The following LHCGR variants were observed in gnomAD, a reference collection of about 807,000 sequenced individuals.
The protein encoded by LHCGR is lutropin-choriogonadotropic hormone receptor.
Under a neutral mutation model 60.7 loss-of-function variants are expected in LHCGR, and 55 were observed. The observed-to-expected ratio is 0.91, with a 90% CI of 0.73 to 1.13. LHCGR has a LOEUF of 1.13. LHCGR is among the 50% of genes most tolerant of loss of function. The pLI is 0.00. For missense variants in LHCGR, 862 were observed against 836.0 expected (o/e 1.03, Z -0.38); for synonymous variants, 337 against 316.5 (o/e 1.06, Z -0.69).
At chr2:48,721,373 C>T (rs1668486557) in intron 6 of LHCGR, 1 of 209,450 alleles carries the variant, frequency 4.8e-6, no homozygotes, top group Non-Finnish European at 9.8e-6. Flanking sequence ...AGGGAAGTGG[C>T]AGGAGTGGAG....
chr2:48,734,383 G>A (rs1320503472), intron 1 of LHCGR, among the ~76,000 whole-genome samples: 1 of 152,186 alleles, frequency 6.6e-6, no homozygotes, highest in Non-Finnish European at 1.5e-5. Flanking sequence ...ACAGAAGTGG[G>A]AGAAGGAGAT....
At chr2:48,755,283 A>G (rs919164111) in intron 1 of LHCGR, among the ~76,000 whole-genome samples, 4 of 152,024 alleles carry the variant, frequency 2.6e-5, no homozygotes, top group Non-Finnish European at 5.9e-5. Flanking sequence ...CACAGCCCCA[A>G]CCAGGGGTAA....
In LHCGR at chr2:48,687,643, A is replaced by ATT. The variant is rs200887026; in HGVS notation, c.*52_*53dup. 1 of 1,439,536 alleles carries ATT rather than the reference A, an allele frequency of 6.9e-7. No homozygotes were observed. The highest frequency in any genetic ancestry group is 9.8e-7 in the Non-Finnish European group (1 of 1,024,848). The allele number at this position is 1,439,536 out of a possible 1,614,324, so 89.2% of individuals were successfully genotyped here. On this transcript the variant is annotated 3_prime_UTR_variant, in exon 11 of 11. Transcript: ENST00000294954. ...TATGTTAAAATTACTGGTACAGGTA[A>ATT]TTTTTTTTTACAGGTTTAAGAACAA...
Position 48,688,775 on chromosome 2 carries a change from G to C in LHCGR, c.1022C>G (p.Pro341Arg), listed in dbSNP as rs1292701138. ...YEYGFCLPKT[P>R]RCAPEPDAFN... is the part of the protein sequence containing the mutation. ...AGCATCTGGTTCAGGAGCACATCGGGGTGTCTTGGGTAAGCAGAAACCATA... is the reference window on the plus strand; with the variant it reads ...AGCATCTGGTTCAGGAGCACATCGGCGTGTCTTGGGTAAGCAGAAACCATA... Residue 341 changes from proline (P) to arginine (R), a missense_variant, in exon 11 of 11, where the codon CCC becomes CGC. By Grantham distance (103) the Pro-to-Arg change is moderately radical (BLOSUM62 -2). Coordinates refer to ENST00000294954, the MANE Select transcript of LHCGR (RefSeq NM_000233.4). The surrounding 1 kb of genome is among the most constrained non-coding windows in gnomAD (Gnocchi z 5.2). 6.2e-7 allele frequency: 1 copy of C among 1,613,922 alleles called. No homozygotes were observed. Among genetic ancestry groups the C allele is most frequent in the Admixed American group, 1.7e-5 (1 of 59,992 alleles).
intron 8 of LHCGR, chr2:48,708,635 C>G (rs1572843446): frequency 2.0e-6 from 1 of 498,044 alleles, no homozygotes; most frequent in Admixed American, 3.3e-5. Flanking sequence ...CCAGAAAGAA[C>G]TAGCACAAGC....
intron 10 of LHCGR, among the ~76,000 whole-genome samples, chr2:48,690,079 C>G (rs1323517108): frequency 1.2e-4 from 18 of 152,172 alleles, no homozygotes; most frequent in Non-Finnish European, 2.9e-5. Context: ...AATTTTAGCT[C>G]TCTCCCTAGT....
Position 48,725,718 on chromosome 2 carries a change from A to C in LHCGR, c.341T>G (p.Ile114Ser). Residue 114 changes from isoleucine (I) to serine (S), a missense_variant, in exon 4 of 11, where the codon ATT becomes AGT. Ile to Ser is a moderately radical substitution (Grantham distance 142). Coordinates refer to ENST00000294954, the MANE Select transcript of LHCGR (RefSeq NM_000233.4). ...AAGATTTATAAATGCTCCGGGCTCAATGTATCTCAGATTTTTGGTGTTCTG... is the reference window on the plus strand; with the variant it reads ...AAGATTTATAAATGCTCCGGGCTCACTGTATCTCAGATTTTTGGTGTTCTG... ...LIQNTKNLRY[I>S]EPGAFINLPR... 8 of 1,613,668 alleles carry C rather than the reference A, an allele frequency of 5.0e-6. No homozygotes were observed. Among genetic ancestry groups the C allele is most frequent in the Non-Finnish European group, 6.8e-6 (8 of 1,179,678 alleles).
chr2:48,711,871 C>T (rs911139207), intron 7 of LHCGR, among the ~76,000 whole-genome samples: 2 of 152,108 alleles, frequency 1.3e-5, no homozygotes, highest in Admixed American at 6.5e-5. Flanking sequence ...ACAGATGAAC[C>T]TTCTTTAAGC....
Position 48,688,268 on chromosome 2 carries a change from T to C in LHCGR, c.1529A>G (p.Lys510Arg). ...LPLVGVSNYM[K>R]VSICFPMDVE... The stretch of plus-strand genomic sequence containing the variant: ...ATCCATGGGGAAGCAAATACTGACC[T>C]TCATGTAATTGCTGACACCGACAAG... The change falls in exon 11 of 11, where the codon AAG becomes AGG. Residue 510 changes from lysine (K) to arginine (R), a missense_variant. Lys to Arg is a conservative substitution (Grantham distance 26). Transcript: ENST00000294954. The surrounding 1 kb of genome is among the most constrained non-coding windows in gnomAD (Gnocchi z 5.2). 6.2e-7 allele frequency: 1 copy of C among 1,614,056 alleles called. No individual in the cohort carries two copies. Among genetic ancestry groups the C allele is most frequent in the East Asian group, 2.2e-5 (1 of 44,880 alleles).
At chr2:48,722,733 G>A (rs1668556708) in intron 6 of LHCGR, among the ~76,000 whole-genome samples, 1 of 152,138 alleles carries the variant, frequency 6.6e-6, no homozygotes, top group East Asian at 1.9e-4. Flanking sequence ...GCAGAATTGT[G>A]AGCCAATTAA....
At chr2:48,749,681 C>G (rs1669865544) in intron 1 of LHCGR, among the ~76,000 whole-genome samples, 1 of 145,684 alleles carries the variant, frequency 6.9e-6, no homozygotes, top group Non-Finnish European at 1.5e-5. Context: ...AAGAGCAGAA[C>G]TGGAGCCCTG....
At chr2:48,703,923 T>C (rs958195354) in intron 8 of LHCGR, among the ~76,000 whole-genome samples, 13 of 152,194 alleles carry the variant, frequency 8.5e-5, no homozygotes, top group Admixed American at 2.6e-4. Flanking sequence ...TCCAATACTA[T>C]GTTGAATAGG....
intron 1 of LHCGR, among the ~76,000 whole-genome samples, chr2:48,742,904 G>A (rs1187892332): frequency 3.3e-5 from 5 of 152,118 alleles, no homozygotes; most frequent in African/African-American, 7.2e-5. Context: ...GAATCCAGGA[G>A]CTGGTTTTTT....
rs541083430 is a variant in LHCGR, at chr2:48,750,033, A to C, written c.161+5478T>G. Among the ~76,000 whole-genome samples the C allele has an allele frequency of 1.3e-4, 20 of 152,352 alleles. No homozygotes were observed. The South Asian group carries it at 4.1e-3, about 32-fold the overall frequency. ...AGAGCTGAGTCAGAACTAAGGTTCC[A>C]GATTAACCTCAACCTTGGGCCTTTG... On this transcript the variant is annotated intron_variant, in intron 1 of 10. Coordinates refer to ENST00000294954, the MANE Select transcript of LHCGR (RefSeq NM_000233.4).
At position 48,715,544 on chromosome 2, in the gene LHCGR, G is replaced by T. The variant is rs535246593; in HGVS notation, c.537-1490C>A. ...GGCTGTGGGGTGTGACTTGAGAAAT[G>T]GTTCAGAAACATGCTTCACTTGTTC... On this transcript the variant is annotated intron_variant, in intron 6 of 10. Coordinates refer to ENST00000294954, the MANE Select transcript of LHCGR (RefSeq NM_000233.4). Among the ~76,000 whole-genome samples the T allele has an allele frequency of 6.6e-5, 10 of 152,298 alleles. No homozygotes were observed. In the East Asian group the frequency reaches 1.5e-3, roughly 24 times the overall value.
At chr2:48,693,322 TC>T (rs1210181592) in intron 10 of LHCGR, among the ~76,000 whole-genome samples, 1 of 152,200 alleles carries the variant, frequency 6.6e-6, no homozygotes, top group African/African-American at 2.4e-5. Context: ...TTTCTGCTGT[TC>T]CTTACAGATG....
intron 10 of LHCGR, among the ~76,000 whole-genome samples, chr2:48,693,657 A>T (rs1030830980): frequency 1.3e-5 from 2 of 152,210 alleles, no homozygotes; most frequent in African/African-American, 4.8e-5. Flanking sequence ...TTTACAGTTG[A>T]AGATAAGTGA....
At chr2:48,741,574 T>G (rs998235250) in intron 1 of LHCGR, among the ~76,000 whole-genome samples, 4 of 151,804 alleles carry the variant, frequency 2.6e-5, no homozygotes, top group Non-Finnish European at 4.4e-5. Flanking sequence ...ACCCAGAATT[T>G]CATATCCAGC....
In LHCGR at chr2:48,730,391, C is replaced by T. The variant is rs527237508; in HGVS notation, c.233+836G>A. ...AAGTCCGTAACCTGCAGGGAATTTC[C>T]TATAATATGCAGTAATTCTTGAGGA... On this transcript the variant is annotated intron_variant, in intron 2 of 10. Coordinates refer to ENST00000294954, the MANE Select transcript of LHCGR (RefSeq NM_000233.4). Among the ~76,000 whole-genome samples the T allele has an allele frequency of 1.2e-4, 19 of 152,282 alleles. 1 individual carries two copies. In the South Asian group the frequency reaches 3.9e-3, roughly 32 times the overall value.
Sources: allele counts gnomAD v4.1 joint callset (sites outside exome capture counted in the v4.1 genomes callset), GRCh38; gene constraint gnomAD v4.1.1; non-coding constraint Gnocchi (gnomAD v3.1); transcripts MANE v1.5; gene names NCBI Gene and HGNC (gene_info 2026-07-23, HGNC 2026-07-21).